The following RPS6KA5 variants were observed in gnomAD, a reference collection of about 807,000 sequenced individuals.
The protein encoded by RPS6KA5 is ribosomal protein S6 kinase A5, also known as ribosomal protein S6 kinase alpha-5.
Under a neutral mutation model 85.5 loss-of-function variants are expected in RPS6KA5, and 27 were observed. That is an observed-to-expected ratio of 0.32 (90% confidence interval 0.23 to 0.44). RPS6KA5 has a LOEUF of 0.44. Among genes scored for constraint, RPS6KA5 ranks in the 20% least tolerant of loss-of-function variants. RPS6KA5 has a pLI of 1.00. For synonymous variants in RPS6KA5, 334 were observed against 348.2 expected (o/e 0.96, Z 0.46); for missense variants, 811 against 980.9 (o/e 0.83, Z 2.31).
Position 90,860,513 on chromosome 14 carries a change from G to C in RPS6KA5, c.*11561C>G, listed in dbSNP as rs1309647520. On this transcript the variant is annotated 3_prime_UTR_variant, in exon 17 of 17. Transcript: ENST00000614987. ...TGTGCCACTGCACTCCAGCCTGGGT[G>C]ACAGAGTGAGACTTGGTCTCAAAAA... The C allele has an allele frequency of 6.6e-6, 1 of 152,164 alleles. No homozygotes were observed. Among genetic ancestry groups the C allele is most frequent in the South Asian group, 2.1e-4 (1 of 4,830 alleles). The allele number at this position is 152,164 out of a possible 1,614,324, so 9.4% of individuals were successfully genotyped here. A position where few individuals can be genotyped will look rare whatever the true frequency, so the allele number is the denominator to read the frequency against.
chr14:90,876,036 A>C (rs2033450170), intron 14 of RPS6KA5, among the ~76,000 whole-genome samples: 1 of 150,610 alleles, frequency 6.6e-6, no homozygotes, highest in Admixed American at 6.6e-5. Context: ...CATGTACCCT[A>C]AAACTTAAAG....
chr14:91,059,453 G>A (rs115728216), intron 1 of RPS6KA5, among the ~76,000 whole-genome samples: 2,709 of 152,010 alleles, frequency 0.018, 63 homozygotes, highest in African/African-American at 0.063. Context: ...TATCTGTTCA[G>A]AGAAAAAAGT....
intron 5 of RPS6KA5, among the ~76,000 whole-genome samples, chr14:90,931,910 A>G (rs543807631): frequency 6.6e-6 from 1 of 152,350 alleles, no homozygotes; most frequent in Admixed American, 6.5e-5. Flanking sequence ...CAAATAAAAA[A>G]CAATTTGCAA....
rs2032427638 is a variant in RPS6KA5, at chr14:90,859,315, T to C, written c.*12759A>G. 1 of 152,184 alleles carries C rather than the reference T, an allele frequency of 6.6e-6. No homozygotes were observed. Among genetic ancestry groups the C allele is most frequent in the Non-Finnish European group, 1.5e-5 (1 of 68,038 alleles). The allele number at this position is 152,184 out of a possible 1,614,324, so 9.4% of individuals were successfully genotyped here. A position where few individuals can be genotyped will look rare whatever the true frequency, so the allele number is the denominator to read the frequency against. On this transcript the variant is annotated 3_prime_UTR_variant, in exon 17 of 17. Transcript: ENST00000614987. ...CCCCTACAGTATTTAACACACAATG[T>C]ATGACATTTCACCAAACTTATAAGG...
At chr14:90,944,512 T>G (rs1045387234) in intron 4 of RPS6KA5, among the ~76,000 whole-genome samples, 4 of 151,896 alleles carry the variant, frequency 2.6e-5, no homozygotes, top group Non-Finnish European at 5.9e-5. Context: ...TCCCAACATT[T>G]TGGGAGGCCG....
intron 1 of RPS6KA5, among the ~76,000 whole-genome samples, chr14:91,010,136 T>A (rs1446863952): frequency 1.3e-5 from 2 of 152,168 alleles, no homozygotes; most frequent in African/African-American, 4.8e-5. Context: ...CTACATTTTT[T>A]ACTAAATTTT....
chr14:90,916,061 A>C (rs1461344236), intron 7 of RPS6KA5, among the ~76,000 whole-genome samples: 1 of 152,170 alleles, frequency 6.6e-6, no homozygotes. Context: ...TCCTTAAAGT[A>C]ATGTCTGGAA....
intron 3 of RPS6KA5, among the ~76,000 whole-genome samples, chr14:90,976,740 G>A (rs540866316): frequency 3.2e-4 from 48 of 152,306 alleles, no homozygotes; most frequent in African/African-American, 1.1e-3. Flanking sequence ...CATTAATGGG[G>A]ACTCTTAAGA....
intron 2 of RPS6KA5, among the ~76,000 whole-genome samples, chr14:90,994,308 G>A (rs2040423567): frequency 1.3e-5 from 2 of 151,610 alleles, no homozygotes. Context: ...TACCAGTAAA[G>A]CATCCATTAA....
chr14:91,004,927 G>A (rs565034084), intron 1 of RPS6KA5, among the ~76,000 whole-genome samples: 10 of 151,148 alleles, frequency 6.6e-5, no homozygotes, highest in South Asian at 4.2e-4. Context: ...AAGATCGCGC[G>A]CCACTGCACT....
At chr14:90,949,342 G>C (rs112920690) in intron 3 of RPS6KA5, among the ~76,000 whole-genome samples, 1,878 of 152,250 alleles carry the variant, frequency 0.012, 36 homozygotes, top group African/African-American at 0.043. Flanking sequence ...TTTCTTCTAT[G>C]TTAGCACTGT....
At chr14:90,893,508 T>TA (rs1248172997) in intron 13 of RPS6KA5, among the ~76,000 whole-genome samples, 1 of 152,156 alleles carries the variant, frequency 6.6e-6, no homozygotes, top group Non-Finnish European at 1.5e-5. Context: ...CATCCTCTTC[T>TA]AATAATTCAA....
chr14:90,943,849 T>G (rs1342824107), intron 4 of RPS6KA5, among the ~76,000 whole-genome samples: 2 of 152,248 alleles, frequency 1.3e-5, no homozygotes, highest in East Asian at 3.9e-4. Flanking sequence ...TTTTTTGTTG[T>G]TGTTATTGTT....
At chr14:90,965,709 C>A (rs971570798) in intron 3 of RPS6KA5, among the ~76,000 whole-genome samples, 2 of 152,046 alleles carry the variant, frequency 1.3e-5, no homozygotes, top group African/African-American at 2.4e-5. Flanking sequence ...GCTTAGCAAT[C>A]TAGTATTGGG....
intron 1 of RPS6KA5, among the ~76,000 whole-genome samples, chr14:91,025,066 A>G (rs577342862): frequency 2.0e-3 from 296 of 150,212 alleles, no homozygotes; most frequent in Non-Finnish European, 3.1e-3. Context: ...TTTAGGGGGG[A>G]TGGAGTCTCA....
chr14:90,894,062 GA>G lies in RPS6KA5; in HGVS notation c.1644+350del, dbSNP rs148205780. 7,251 of 947,658 alleles carry G rather than the reference GA, an allele frequency of 7.7e-3. 434 individuals are homozygous for G. The African/African-American group carries it at 0.12, about 16-fold the overall frequency. The allele number at this position is 947,658 out of a possible 1,614,324, so 58.7% of individuals were successfully genotyped here. A position where few individuals can be genotyped will look rare whatever the true frequency, so the allele number is the denominator to read the frequency against. ...ATAAGTTTTCAAAATACATCATTTGGAAAAAAAACCCTCTAAAATTATATGT... is the reference window on the plus strand; with the variant it reads ...ATAAGTTTTCAAAATACATCATTTGGAAAAAAACCCTCTAAAATTATATGT... On this transcript the variant is annotated intron_variant, in intron 13 of 16. Transcript: ENST00000614987.
At chr14:90,894,182 T>C (rs930447874) in intron 13 of RPS6KA5, 30 of 1,167,194 alleles carry the variant, frequency 2.6e-5, no homozygotes, top group Admixed American at 4.4e-5. Flanking sequence ...GTTCTCACAC[T>C]TACAAATATA....
At chr14:90,962,823 G>A (rs887989282) in intron 3 of RPS6KA5, among the ~76,000 whole-genome samples, 7 of 152,030 alleles carry the variant, frequency 4.6e-5, no homozygotes, top group African/African-American at 1.7e-4. Context: ...TTTCATATAT[G>A]TGCATATTTT....
chr14:90,919,085 C>A (rs567756989), intron 7 of RPS6KA5, among the ~76,000 whole-genome samples: 1 of 152,266 alleles, frequency 6.6e-6, no homozygotes, highest in East Asian at 1.9e-4. Context: ...TGTGTGCTTA[C>A]CAACACTCAA....
Sources: gnomAD v4.1 joint callset for allele counts (sites outside exome capture counted in the v4.1 genomes callset) on GRCh38, gnomAD v4.1.1 for gene constraint, MANE v1.5 for transcripts, NCBI Gene and HGNC (gene_info 2026-07-23, HGNC 2026-07-21) for gene names.